The following GRIA1 variants were observed in gnomAD, a reference collection of about 807,000 sequenced individuals.
The protein encoded by GRIA1 is glutamate ionotropic receptor AMPA type subunit 1.
GRIA1 carries 31 observed loss-of-function variants against 99.2 expected under a neutral mutation model. The observed-to-expected ratio is 0.31, with a 90% CI of 0.23 to 0.42. GRIA1 has a LOEUF of 0.42. GRIA1 is among the 10% of genes least tolerant of loss of function. The pLI is 1.00. For missense variants in GRIA1, 782 were observed against 1,157.5 expected (o/e 0.68, Z 4.71); for synonymous variants, 438 against 432.4 (o/e 1.01, Z -0.16).
chr5:153,714,952 A>T (rs1431770264), intron 11 of GRIA1, among the ~76,000 whole-genome samples: 1 of 152,230 alleles, frequency 6.6e-6, no homozygotes, highest in East Asian at 1.9e-4. Flanking sequence ...CTGAAGGAGA[A>T]ACGGCCTCAA....
At position 153,581,080 on chromosome 5, in the gene GRIA1, C is replaced by T. The variant is rs188774305; in HGVS notation, c.221-65848C>T. ...CGTAGCAGCTCACTTCGAAGTCTGG[C>T]ATGCGGACGGCTTCCTACTCTCCCG... On this transcript the variant is annotated intron_variant, in intron 2 of 15. Transcript: ENST00000285900. Among the ~76,000 whole-genome samples the T allele has an allele frequency of 3.9e-3, 591 of 152,324 alleles. 3 individuals carry two copies. The highest frequency in any genetic ancestry group is 6.1e-3 in the Non-Finnish European group (416 of 68,028).
chr5:153,655,962 A>G, intron 5 of GRIA1, 90 bp downstream of exon 5: 1 of 1,084,492 alleles, frequency 9.2e-7, no homozygotes, highest in East Asian at 2.4e-5. Flanking sequence ...ATGTGAACTG[A>G]GTAGGTGGAA....
intron 2 of GRIA1, among the ~76,000 whole-genome samples, chr5:153,641,065 A>G (rs1224535563): frequency 6.6e-6 from 1 of 152,176 alleles, no homozygotes; most frequent in Admixed American, 6.6e-5. Flanking sequence ...ACAACGTTAG[A>G]GTAAGATGAT....
chr5:153,793,783 G>A (rs182646338), intron 13 of GRIA1, among the ~76,000 whole-genome samples: 13 of 152,274 alleles, frequency 8.5e-5, no homozygotes, highest in South Asian at 2.1e-4. Context: ...GGGATTTGCC[G>A]AATACTAACT....
At chr5:153,657,995 C>T (rs905561320) in intron 5 of GRIA1, among the ~76,000 whole-genome samples, 24 of 152,178 alleles carry the variant, frequency 1.6e-4, no homozygotes, top group African/African-American at 4.8e-4. Flanking sequence ...AGTGCTAGAG[C>T]GGACTTAGGA....
intron 2 of GRIA1, among the ~76,000 whole-genome samples, chr5:153,560,305 G>A (rs1240930865): frequency 1.3e-5 from 2 of 152,064 alleles, no homozygotes; most frequent in Non-Finnish European, 2.9e-5. Flanking sequence ...ATGGACTTAG[G>A]TTTCTAAATT....
intron 2 of GRIA1, among the ~76,000 whole-genome samples, chr5:153,509,851 A>G (rs1372877806): frequency 1.3e-5 from 2 of 152,194 alleles, no homozygotes; most frequent in African/African-American, 4.8e-5. Context: ...GTTCAATTTA[A>G]TTGTTTGTGA....
intron 2 of GRIA1, among the ~76,000 whole-genome samples, chr5:153,514,683 T>A (rs1298825910): frequency 6.6e-6 from 1 of 152,230 alleles, no homozygotes; most frequent in Non-Finnish European, 1.5e-5. Flanking sequence ...TTTTTTGTAG[T>A]TCCATACAAA....
intron 2 of GRIA1, among the ~76,000 whole-genome samples, chr5:153,537,497 C>T (rs1033668395): frequency 2.6e-5 from 4 of 152,174 alleles, no homozygotes; most frequent in Admixed American, 6.5e-5. Context: ...CTCTGTGTCT[C>T]GCTGCCTGGG....
At chr5:153,704,352 C>T (rs1758740405) in intron 10 of GRIA1, among the ~76,000 whole-genome samples, 1 of 152,236 alleles carries the variant, frequency 6.6e-6, no homozygotes. Flanking sequence ...GGCATCTCTC[C>T]ATGGAAATCC....
At chr5:153,745,709 A>ATCTT in intron 11 of GRIA1, among the ~76,000 whole-genome samples, 2 of 152,240 alleles carry the variant, frequency 1.3e-5, no homozygotes, top group Middle Eastern at 6.8e-3. Context: ...TAATGCAGGC[A>ATCTT]TCTTACATTT....
intron 2 of GRIA1, among the ~76,000 whole-genome samples, chr5:153,506,092 G>C (rs1474766329): frequency 6.6e-6 from 1 of 152,202 alleles, no homozygotes; most frequent in African/African-American, 2.4e-5. Context: ...TCTTAGGGCA[G>C]ATACTAGCTT....
chr5:153,653,376 C>T (rs1754712843), intron 4 of GRIA1, among the ~76,000 whole-genome samples: 1 of 152,232 alleles, frequency 6.6e-6, no homozygotes, highest in African/African-American at 2.4e-5. Context: ...TGAGCGTCCA[C>T]TGGAGAGGAT....
At chr5:153,807,932 A>G (rs1040878623) in intron 15 of GRIA1, among the ~76,000 whole-genome samples, 1 of 152,230 alleles carries the variant, frequency 6.6e-6, no homozygotes, top group Non-Finnish European at 1.5e-5. Context: ...AACATAGGGC[A>G]TGTTTAAGCT....
At chr5:153,752,024 G>T (rs191849009) in intron 11 of GRIA1, among the ~76,000 whole-genome samples, 1 of 152,016 alleles carries the variant, frequency 6.6e-6, no homozygotes, top group East Asian at 1.9e-4. Flanking sequence ...ATTTCTGTGG[G>T]CTCTGCAGTA....
At position 153,730,003 on chromosome 5, in the gene GRIA1, AT is replaced by A. The variant is rs1436408417; in HGVS notation, c.1823+23939del. ...AAAAATGCCCATTAAATAATCGAAC[AT>A]TTAACAATGTGGGGCTAGCTCTCTT... is the stretch of plus-strand genomic sequence containing the variant. On this transcript the variant is annotated intron_variant, in intron 11 of 15. Transcript: ENST00000285900. Among the ~76,000 whole-genome samples, 4 of 152,124 alleles carry A rather than the reference AT, an allele frequency of 2.6e-5. No homozygotes were observed. In the East Asian group the frequency reaches 7.7e-4, roughly 29 times the overall value.
intron 2 of GRIA1, among the ~76,000 whole-genome samples, chr5:153,612,220 G>A: frequency 6.6e-6 from 1 of 152,210 alleles, no homozygotes; most frequent in East Asian, 1.9e-4. Context: ...GAATAGATAG[G>A]AGTGCTGAGA....
intron 11 of GRIA1, among the ~76,000 whole-genome samples, chr5:153,733,457 C>T (rs909373408): frequency 6.6e-6 from 1 of 152,048 alleles, no homozygotes; most frequent in Non-Finnish European, 1.5e-5. Context: ...AAGAAAGGGA[C>T]TACAAAACAG....
rs542240106 is a variant in GRIA1, at chr5:153,681,130, G to A, written c.1029+3969G>A. Among the ~76,000 whole-genome samples, 3 of 152,318 alleles carry A rather than the reference G, an allele frequency of 2.0e-5. No homozygotes were observed. The East Asian group carries it at 5.8e-4, about 29-fold the overall frequency. On this transcript the variant is annotated intron_variant, in intron 7 of 15. Coordinates refer to ENST00000285900, the MANE Select transcript of GRIA1 (RefSeq NM_000827.4). ...TCAGGAAGCTTCCAATCATGGCAGA[G>A]TGTAAAGGAAGAGACAGTATGTCAC...
Sources: gnomAD v4.1 joint callset for allele counts (sites outside exome capture counted in the v4.1 genomes callset) on GRCh38, gnomAD v4.1.1 for gene constraint, MANE v1.5 for transcripts, NCBI Gene and HGNC (gene_info 2026-07-23, HGNC 2026-07-21) for gene names.